The following POU6F2 variants were observed in gnomAD, a reference collection of about 807,000 sequenced individuals.
The protein encoded by POU6F2 is POU class 6 homeobox 2.
Under a neutral mutation model 71.3 loss-of-function variants are expected in POU6F2, and 31 were observed. The ratio of observed to expected loss-of-function variants is 0.43; its 90% CI spans 0.33 to 0.59. POU6F2 has a LOEUF of 0.59. POU6F2 is among the 20% of genes least tolerant of loss of function. The pLI is 0.04. For missense variants in POU6F2, 783 were observed against 856.8 expected, an observed-to-expected ratio of 0.91 and a Z score of 1.07; for synonymous variants, 347 against 355.7, an observed-to-expected ratio of 0.98 and a Z score of 0.27.
chr7:39,181,939 T>C (rs909369742), intron 2 of POU6F2, among the ~76,000 whole-genome samples: 1 of 152,210 alleles, frequency 6.6e-6, no homozygotes, highest in African/African-American at 2.4e-5. Flanking sequence ...CATCAGGAAC[T>C]TCTTACATAT....
chr7:39,041,523 C>CA (rs1790193386), intron 1 of POU6F2, among the ~76,000 whole-genome samples: 1 of 151,788 alleles, frequency 6.6e-6, no homozygotes, highest in South Asian at 2.1e-4. Flanking sequence ...ATTTTATAGG[C>CA]AAAATGATAA....
intron 6 of POU6F2, among the ~76,000 whole-genome samples, chr7:39,409,608 C>G (rs1429316806): frequency 6.6e-6 from 1 of 151,824 alleles, no homozygotes; most frequent in Non-Finnish European, 1.5e-5. Flanking sequence ...CCCAGTGTCT[C>G]ACAGGGCCCA....
chr7:38,989,962 G>C (rs1458385389), intron 1 of POU6F2, among the ~76,000 whole-genome samples: 1 of 151,884 alleles, frequency 6.6e-6, no homozygotes, highest in Non-Finnish European at 1.5e-5. Context: ...TTTATCTTTT[G>C]ATAAATTAAC....
chr7:39,263,900 A>G (rs1472663505), intron 4 of POU6F2, among the ~76,000 whole-genome samples: 2 of 152,214 alleles, frequency 1.3e-5, no homozygotes, highest in African/African-American at 4.8e-5. Flanking sequence ...CAGCCTTTCA[A>G]TAAGTGCTGA....
chr7:39,186,263 C>A (rs925235533), intron 2 of POU6F2, among the ~76,000 whole-genome samples: 1 of 152,174 alleles, frequency 6.6e-6, no homozygotes, highest in Admixed American at 6.5e-5. Context: ...GCATAGCTCT[C>A]CTGCGGGGCA....
At chr7:39,011,336 G>T (rs1432907469) in intron 1 of POU6F2, among the ~76,000 whole-genome samples, 1 of 151,552 alleles carries the variant, frequency 6.6e-6, no homozygotes, top group Non-Finnish European at 1.5e-5. Context: ...TCAGAGACTA[G>T]GATTGCAACC....
chr7:39,308,020 A>G (rs1457528140), intron 4 of POU6F2, among the ~76,000 whole-genome samples: 1 of 152,146 alleles, frequency 6.6e-6, no homozygotes, highest in East Asian at 1.9e-4. Flanking sequence ...GGCTTTGCAT[A>G]TATCAACTGT....
chr7:39,299,706 AC>A (rs1357065325), intron 4 of POU6F2, among the ~76,000 whole-genome samples: 3 of 152,206 alleles, frequency 2.0e-5, no homozygotes, highest in African/African-American at 7.2e-5. Context: ...CTCCTAGATT[AC>A]CCATCTCACT....
intron 2 of POU6F2, among the ~76,000 whole-genome samples, chr7:39,167,344 G>T (rs182221387): frequency 6.6e-6 from 1 of 152,166 alleles, no homozygotes; most frequent in East Asian, 1.9e-4. Flanking sequence ...ATCCTACATA[G>T]TACTAGTATC....
chr7:39,412,343 G>T (rs1252534713), intron 6 of POU6F2, among the ~76,000 whole-genome samples: 1 of 152,126 alleles, frequency 6.6e-6, no homozygotes, highest in Non-Finnish European at 1.5e-5. Context: ...AAATACATGA[G>T]AATCTTTTAA....
chr7:39,424,298 T>A (rs886718244), intron 6 of POU6F2, among the ~76,000 whole-genome samples: 2 of 152,196 alleles, frequency 1.3e-5, no homozygotes, highest in African/African-American at 4.8e-5. Context: ...TAGCTGGAGA[T>A]AACATTTTGC....
intron 4 of POU6F2, among the ~76,000 whole-genome samples, chr7:39,260,071 A>G (rs1784102194): frequency 6.6e-6 from 1 of 151,462 alleles, no homozygotes; most frequent in South Asian, 2.1e-4. Flanking sequence ...CCATACACAT[A>G]CGATACACAC....
At chr7:39,263,293 A>G (rs1461483102) in intron 4 of POU6F2, among the ~76,000 whole-genome samples, 1 of 152,220 alleles carries the variant, frequency 6.6e-6, no homozygotes, top group Non-Finnish European at 1.5e-5. Context: ...AGACTTATCT[A>G]CTGATAATGT....
chr7:39,054,102 C>CA (rs1011233948), intron 1 of POU6F2, among the ~76,000 whole-genome samples: 1 of 148,956 alleles, frequency 6.7e-6, no homozygotes, highest in African/African-American at 2.5e-5. Flanking sequence ...ACTCCATCTC[C>CA]AAAAAAAAGA....
At chr7:39,374,369 G>T (rs1786669995) in intron 5 of POU6F2, among the ~76,000 whole-genome samples, 1 of 152,184 alleles carries the variant, frequency 6.6e-6, no homozygotes, top group Admixed American at 6.5e-5. Flanking sequence ...CTAGGATTAT[G>T]TGGGCAGCCC....
intron 4 of POU6F2, among the ~76,000 whole-genome samples, chr7:39,309,347 C>A (rs530567913): frequency 6.6e-6 from 1 of 152,356 alleles, no homozygotes; most frequent in Admixed American, 6.5e-5. Context: ...TCTGTCCTCT[C>A]TCTTCCCTCT....
chr7:39,131,069 C>T (rs1480932535), intron 2 of POU6F2, among the ~76,000 whole-genome samples: 12 of 152,206 alleles, frequency 7.9e-5, no homozygotes, highest in Non-Finnish European at 4.4e-5. Context: ...GTAGCATTTA[C>T]ATGTATTGAT....
At chr7:39,308,051 T>A (rs1339332753) in intron 4 of POU6F2, among the ~76,000 whole-genome samples, 1 of 152,174 alleles carries the variant, frequency 6.6e-6, no homozygotes, top group East Asian at 1.9e-4. Flanking sequence ...GTCCACCTAC[T>A]TCCAGTGCCA....
rs902501134 is a variant in POU6F2, at chr7:39,233,941, C to T, written c.598+26321C>T. 2.6e-5 allele frequency among the ~76,000 whole-genome samples: 4 copies of T among 152,180 alleles called. 1 individual carries two copies. Among genetic ancestry groups the T allele is most frequent in the East Asian group, 1.9e-4 (1 of 5,172 alleles). On this transcript the variant is annotated intron_variant, in intron 4 of 9. Coordinates refer to ENST00000518318, the MANE Select transcript of POU6F2 (RefSeq NM_001370959.1). ...AGGCTTTTCATTAAATGGTATTCGG[C>T]GCAGAGAAAGGCATTGCTGAATCTT...
Sources: gnomAD v4.1 joint callset for allele counts (sites outside exome capture counted in the v4.1 genomes callset) on GRCh38, gnomAD v4.1.1 for gene constraint, MANE v1.5 for transcripts, NCBI Gene and HGNC (gene_info 2026-07-23, HGNC 2026-07-21) for gene names.